Variants in GRAMD1C observed in about 807,000 individuals in gnomAD.
GRAMD1C encodes the protein protein Aster-C.
Under a neutral mutation model 97.8 loss-of-function variants are expected in GRAMD1C, and 89 were observed. The ratio of observed to expected loss-of-function variants is 0.91; its 90% CI spans 0.77 to 1.09. The LOEUF is 1.09. GRAMD1C is among the 50% of genes least tolerant of loss of function. GRAMD1C has a pLI of 0.00. For missense variants in GRAMD1C, 740 were observed against 766.4 expected, an observed-to-expected ratio of 0.97 and a Z score of 0.41; for synonymous variants, 256 against 267.0, an observed-to-expected ratio of 0.96 and a Z score of 0.40.
intron 17 of GRAMD1C, among the ~76,000 whole-genome samples, chr3:113,941,110 G>A (rs1420439369): frequency 6.6e-6 from 1 of 152,128 alleles, no homozygotes; most frequent in Non-Finnish European, 1.5e-5. Context: ...TCCTTTTAAT[G>A]GAGCACATCC....
upstream of GRAMD1C, among the ~76,000 whole-genome samples, chr3:113,835,861 T>C (rs1709623255): frequency 6.6e-6 from 1 of 152,244 alleles, no homozygotes; most frequent in African/African-American, 2.4e-5. Flanking sequence ...TTTTTTATGT[T>C]TAACAGAACA....
chr3:113,905,874 T>TTTAGTAGAGA lies in GRAMD1C; in HGVS notation c.789+1604_789+1613dup, dbSNP rs536811945. 2.0e-5 allele frequency among the ~76,000 whole-genome samples: 3 copies of TTTAGTAGAGA among 152,106 alleles called. No individual in the cohort carries two copies. The South Asian group carries it at 6.2e-4, about 31-fold the overall frequency. On this transcript the variant is annotated intron_variant, in intron 8 of 17. Transcript: ENST00000358160. ...CTATGCCTGGCTACTTTTTAATATT[T>TTTAGTAGAGA]TTAGTAGAGATGGGGTTTCCCCATG...
chr3:113,933,174 T>C (rs1937504468), intron 11 of GRAMD1C, among the ~76,000 whole-genome samples: 1 of 152,166 alleles, frequency 6.6e-6, no homozygotes, highest in Admixed American at 6.5e-5. Context: ...CGTGAGCCAC[T>C]GCGTCTGGCC....
intron 10 of GRAMD1C, among the ~76,000 whole-genome samples, chr3:113,930,101 A>C (rs964089681): frequency 6.6e-6 from 1 of 152,200 alleles, no homozygotes; most frequent in African/African-American, 2.4e-5. Flanking sequence ...CCCTAAGCAA[A>C]TAAAAGAGAA....
intron 2 of GRAMD1C, among the ~76,000 whole-genome samples, chr3:113,854,915 A>T (rs1934056738): frequency 3.3e-5 from 5 of 152,208 alleles, no homozygotes; most frequent in Admixed American, 3.3e-4. Flanking sequence ...GGGCAATGAG[A>T]TATTTAAACA....
upstream of GRAMD1C, among the ~76,000 whole-genome samples, chr3:113,837,996 C>T (rs887497976): frequency 3.4e-4 from 52 of 152,324 alleles, no homozygotes; most frequent in African/African-American, 1.3e-3. Context: ...TTTTATCATG[C>T]AGATGCAGCC....
intron 1 of GRAMD1C, among the ~76,000 whole-genome samples, chr3:113,833,173 T>C (rs1217278801): frequency 6.6e-6 from 1 of 150,650 alleles, no homozygotes; most frequent in Non-Finnish European, 1.5e-5. Context: ...GTTTTGCTCT[T>C]GTTTCCCAGG....
intron 8 of GRAMD1C, 129 bp from the exon 9 acceptor site, chr3:113,908,829 T>C (rs1272284097): frequency 1.2e-5 from 7 of 575,702 alleles, no homozygotes; most frequent in South Asian, 2.4e-5. Context: ...GATGCAAGTA[T>C]AACAAACAAA....
intron 6 of GRAMD1C, chr3:113,890,935 G>T: frequency 1.9e-6 from 1 of 514,532 alleles, no homozygotes; most frequent in South Asian, 3.4e-5. Flanking sequence ...CCATAGCCAA[G>T]AAACACTGCA....
intron 3 of GRAMD1C, among the ~76,000 whole-genome samples, chr3:113,874,921 T>C (rs1934968158): frequency 6.6e-6 from 1 of 152,210 alleles, no homozygotes; most frequent in South Asian, 2.1e-4. Context: ...TCTGTTCCTG[T>C]TCCTTCCACT....
At chr3:113,924,088 G>C (rs62265433) in intron 10 of GRAMD1C, among the ~76,000 whole-genome samples, 1 of 120,784 alleles carries the variant, frequency 8.3e-6, no homozygotes, top group Non-Finnish European at 1.8e-5. Context: ...AATAGTCTCT[G>C]GGGTTTTTTT....
chr3:113,855,986 T>G (rs1471339028), intron 2 of GRAMD1C, among the ~76,000 whole-genome samples: 8 of 152,006 alleles, frequency 5.3e-5, no homozygotes, highest in African/African-American at 1.7e-4. Context: ...CCTCTCCGTT[T>G]CAAGGGATTC....
At chr3:113,851,668 G>A (rs1256869792) in intron 2 of GRAMD1C, among the ~76,000 whole-genome samples, 2 of 149,746 alleles carry the variant, frequency 1.3e-5, no homozygotes, top group African/African-American at 4.9e-5. Flanking sequence ...ACAGGTGCAC[G>A]CCACCAGCTG....
At position 113,885,662 on chromosome 3, in the gene GRAMD1C, C is replaced by T. The variant is rs1386698781; in HGVS notation, c.540+2830C>T. On this transcript the variant is annotated intron_variant, in intron 6 of 17. Transcript: ENST00000358160. ...TGGATTTCTTCCTGGAAGTGGTGAG[C>T]CAGTGGTACGAGCTGGTGGTGTTTA... 30 of 1,516,428 alleles carry T rather than the reference C, an allele frequency of 2.0e-5. 1 individual carries two copies. Among genetic ancestry groups the T allele is most frequent in the Non-Finnish European group, 2.7e-5 (30 of 1,092,036 alleles). The allele number at this position is 1,516,428 out of a possible 1,614,324, so 93.9% of individuals were successfully genotyped here. A position where few individuals can be genotyped will look rare whatever the true frequency, so the allele number is the denominator to read the frequency against.
chr3:113,914,750 A>G (rs1936739758), intron 9 of GRAMD1C, among the ~76,000 whole-genome samples: 1 of 151,726 alleles, frequency 6.6e-6, no homozygotes, highest in Non-Finnish European at 1.5e-5. Flanking sequence ...ATAGATGTTA[A>G]GTTTATGTGC....
At chr3:113,920,081 C>A (rs372560233) in intron 10 of GRAMD1C, 2 of 1,194,184 alleles carry the variant, frequency 1.7e-6, no homozygotes, top group Non-Finnish European at 2.4e-6. Context: ...GTACTTCAAA[C>A]AGCAGGAGAT....
At chr3:113,872,145 CATAAAGT>C (rs1321240299) in intron 3 of GRAMD1C, among the ~76,000 whole-genome samples, 1 of 152,008 alleles carries the variant, frequency 6.6e-6, no homozygotes, top group Non-Finnish European at 1.5e-5. Context: ...TACATAAGGA[CATAAAGT>C]GAAAAGTGAA....
chr3:113,898,505 C>T (rs181133910), intron 6 of GRAMD1C, among the ~76,000 whole-genome samples: 1 of 152,126 alleles, frequency 6.6e-6, no homozygotes. Context: ...GAGTGGAAGT[C>T]AGAAAATAAA....
At chr3:113,915,903 G>A in intron 10 of GRAMD1C, 65 bp downstream of exon 10, 1 of 1,258,484 alleles carries the variant, frequency 7.9e-7, no homozygotes. Context: ...AGAATATTGA[G>A]CATATATAAA....
Sources: gnomAD v4.1 joint callset for allele counts (sites outside exome capture counted in the v4.1 genomes callset) on GRCh38, gnomAD v4.1.1 for gene constraint, MANE v1.5 for transcripts, NCBI Gene and HGNC (gene_info 2026-07-23, HGNC 2026-07-21) for gene names.